The following SPAG1 variants were observed in gnomAD, a reference collection of about 807,000 sequenced individuals.
SPAG1 encodes the protein sperm associated antigen 1, also known as sperm-associated antigen 1.
Under a neutral mutation model 100.5 loss-of-function variants are expected in SPAG1, and 69 were observed. That is an observed-to-expected ratio of 0.69 (90% CI 0.57 to 0.84). The LOEUF is 0.84. Ranked by LOEUF, SPAG1 falls within the 40% of genes least tolerant of loss-of-function variation. SPAG1 has a pLI of 0.00. For synonymous variants in SPAG1, 336 were observed against 411.6 expected, an observed-to-expected ratio of 0.82 and a Z score of 2.22; for missense variants, 955 against 1,133.1, an observed-to-expected ratio of 0.84 and a Z score of 2.26.
chr8:100,162,567 G>A, intron 2 of SPAG1, 147 bp downstream of exon 2: 2 of 626,074 alleles, frequency 3.2e-6, no homozygotes, highest in Non-Finnish European at 5.3e-6. Context: ...CCTATGGTTA[G>A]TTTGGAGAGT....
At position 100,240,642 on chromosome 8, in the gene SPAG1, T is replaced by C; in HGVS notation, c.2520T>C (p.Phe840=). The C allele has an allele frequency of 1.2e-6, 2 of 1,614,208 alleles. No individual in the cohort carries two copies. The highest frequency in any genetic ancestry group is 1.7e-6 in the Non-Finnish European group (2 of 1,180,028). Reference sequence around the variant, plus strand: ...CTGCACCAAAAGATTTGCCGATGTTTTTAAGTAACAAACTTGAAGGGGATA... The same window carrying C: ...CTGCACCAAAAGATTTGCCGATGTTCTTAAGTAACAAACTTGAAGGGGATA... ...AITAPKDLPM[F]LSNKLEGDTF... The change falls in exon 18 of 19, where the codon TTT becomes TTC. Residue 840 remains phenylalanine, a synonymous_variant. Transcript: ENST00000388798.
intron 13 of SPAG1, among the ~76,000 whole-genome samples, chr8:100,224,028 A>G (rs551677221): frequency 2.0e-5 from 3 of 152,304 alleles, no homozygotes; most frequent in African/African-American, 4.8e-5. Context: ...CAGTAAACCA[A>G]TTCAGTCTTA....
intron 8 of SPAG1, among the ~76,000 whole-genome samples, chr8:100,188,839 C>CT (rs1302716345): frequency 6.6e-6 from 1 of 152,164 alleles, no homozygotes; most frequent in Non-Finnish European, 1.5e-5. Flanking sequence ...TCACCTGCCA[C>CT]TGTCATTGCC....
chr8:100,166,059 G>A, intron 3 of SPAG1, 86 bp downstream of exon 3: 1 of 1,248,804 alleles, frequency 8.0e-7, no homozygotes, highest in South Asian at 1.6e-5. Flanking sequence ...TAGGCTTCTT[G>A]TTTGTCCGTA....
At chr8:100,228,410 C>CAAA (rs71274969) in intron 14 of SPAG1, among the ~76,000 whole-genome samples, 1,756 of 129,476 alleles carry the variant, frequency 0.014, 50 homozygotes, top group African/African-American at 0.038. Context: ...CCATCTCTAC[C>CAAA]AAAAAAAAAA....
Position 100,162,277 on chromosome 8 carries a change from A to G in SPAG1, c.-2-2A>G. ...TAATAACTTTTAAATATTGTATTTC[A>G]GCTATGACCACCAAAGATTATCCAT... On this transcript the variant is annotated splice_acceptor_variant, in intron 1 of 18. Transcript: ENST00000388798. LOFTEE classifies it low-confidence loss of function (5UTR_SPLICE). 1 of 1,590,458 alleles carries G rather than the reference A, an allele frequency of 6.3e-7. No homozygotes were observed. The highest frequency in any genetic ancestry group is 1.8e-5 in the Admixed American group (1 of 54,472).
intron 10 of SPAG1, among the ~76,000 whole-genome samples, chr8:100,202,349 A>G (rs998776810): frequency 1.3e-5 from 2 of 151,716 alleles, no homozygotes; most frequent in Non-Finnish European, 2.9e-5. Flanking sequence ...GTTTAAAAAA[A>G]AAAACAAAAA....
intron 3 of SPAG1, among the ~76,000 whole-genome samples, chr8:100,172,491 A>G (rs1382922200): frequency 6.6e-6 from 1 of 152,026 alleles, no homozygotes; most frequent in Non-Finnish European, 1.5e-5. Context: ...GTGGTGGTGC[A>G]TGCCTGTAAT....
chr8:100,225,342 G>C lies in SPAG1; in HGVS notation c.1855+3G>C. Reference sequence around the variant, plus strand: ...CCATCGCCAGCAGGGCATCACAGGTGGGGGATGCCTGCACTCATTTCTTCT... The same window carrying C: ...CCATCGCCAGCAGGGCATCACAGGTCGGGGATGCCTGCACTCATTTCTTCT... On this transcript the variant is annotated splice_donor_region_variant and intron_variant, in intron 14 of 18. Transcript: ENST00000388798. 2.5e-6 allele frequency: 4 copies of C among 1,612,024 alleles called. No individual in the cohort carries two copies. Among genetic ancestry groups the C allele is most frequent in the Admixed American group, 1.7e-5 (1 of 59,986 alleles).
chr8:100,215,925 T>C (rs1817966211), intron 12 of SPAG1, among the ~76,000 whole-genome samples: 1 of 152,228 alleles, frequency 6.6e-6, no homozygotes, highest in Non-Finnish European at 1.5e-5. Flanking sequence ...ATATTTAAAT[T>C]TGAAGTGAAT....
intron 13 of SPAG1, among the ~76,000 whole-genome samples, chr8:100,221,283 C>T (rs1818266421): frequency 6.6e-6 from 1 of 151,946 alleles, no homozygotes; most frequent in African/African-American, 2.4e-5. Flanking sequence ...CTGTTATATG[C>T]CCTTGTAAAT....
intron 16 of SPAG1, 116 bp downstream of exon 16, chr8:100,233,653 C>A: frequency 1.9e-6 from 2 of 1,077,606 alleles, no homozygotes; most frequent in South Asian, 1.6e-5. Context: ...GGATTTAATC[C>A]TAGAACTGTA....
intron 10 of SPAG1, among the ~76,000 whole-genome samples, chr8:100,205,819 A>G (rs1161150872): frequency 1.3e-5 from 2 of 151,868 alleles, no homozygotes; most frequent in Non-Finnish European, 2.9e-5. Context: ...GATCGAGACC[A>G]TCCTGGGCAA....
Position 100,240,538 on chromosome 8 carries a change from G to C in SPAG1, c.2416G>C (p.Ala806Pro). 1 of 1,614,104 alleles carries C rather than the reference G, an allele frequency of 6.2e-7. No homozygotes were observed. ...EKLPIAKPNN[A>P]YEFGQIINAL... ...ACTTCCGATAGCCAAGCCTAATAAT[G>C]CCTATGAATTTGGTCAGATTATAAA... Residue 806 changes from alanine to proline, a missense_variant, in exon 18 of 19, where the codon GCC (alanine) becomes CCC (proline). Physicochemically the swap from Ala to Pro is conservative, Grantham distance 27. Coordinates refer to ENST00000388798, the MANE Select transcript of SPAG1 (RefSeq NM_003114.5).
chr8:100,217,775 G>GT (rs1484489972), intron 12 of SPAG1, among the ~76,000 whole-genome samples: 2 of 151,570 alleles, frequency 1.3e-5, no homozygotes, highest in Non-Finnish European at 2.9e-5. Flanking sequence ...CTCCTTTTTC[G>GT]TTTTTCTTTT....
At position 100,241,187 on chromosome 8, in the gene SPAG1, A is replaced by G. The variant is rs893878255; in HGVS notation, c.*165A>G. On this transcript the variant is annotated 3_prime_UTR_variant, in exon 19 of 19. Transcript: ENST00000388798. The surrounding 1 kb of genome is among the most constrained non-coding windows in gnomAD (Gnocchi z 5.1). ...CTACATAGAACATGTATATTCTACA[A>G]TCTGCTTTTTATTAGTTGTAAATAT... is the stretch of plus-strand genomic sequence containing the variant. The G allele has an allele frequency of 4.1e-6, 2 of 484,376 alleles. No individual in the cohort carries two copies. Among genetic ancestry groups the G allele is most frequent in the Non-Finnish European group, 6.9e-6 (2 of 287,848 alleles). 30.0% of individuals were successfully genotyped at this position (484,376 alleles called of 1,614,324 possible).
intron 10 of SPAG1, among the ~76,000 whole-genome samples, chr8:100,199,844 T>C (rs184583373): frequency 6.3e-4 from 96 of 152,352 alleles, no homozygotes; most frequent in African/African-American, 2.1e-3. Flanking sequence ...AAATATGATT[T>C]GCAAATACTT....
intron 12 of SPAG1, among the ~76,000 whole-genome samples, chr8:100,216,643 T>C (rs996994108): frequency 1.2e-4 from 18 of 152,176 alleles, no homozygotes; most frequent in African/African-American, 4.3e-4. Context: ...CTGACCTCCG[T>C]AGAGACCGAC....
chr8:100,197,158 A>G (rs1234154372), intron 10 of SPAG1, among the ~76,000 whole-genome samples: 1 of 152,128 alleles, frequency 6.6e-6, no homozygotes, highest in Non-Finnish European at 1.5e-5. Flanking sequence ...TCTTTCTGAT[A>G]GAAAGAATAT....
Sources: gnomAD v4.1 joint callset for allele counts (sites outside exome capture counted in the v4.1 genomes callset) on GRCh38, gnomAD v4.1.1 for gene constraint, Gnocchi (gnomAD v3.1) non-coding constraint, MANE v1.5 for transcripts, NCBI Gene and HGNC (gene_info 2026-07-23, HGNC 2026-07-21) for gene names.